The following IGF2BP2 variants were observed in gnomAD, a reference collection of about 807,000 sequenced individuals.
IGF2BP2 encodes the protein insulin-like growth factor 2 mRNA-binding protein 2.
A neutral mutation model predicts 75.8 loss-of-function variants in IGF2BP2; 17 were observed. The observed-to-expected ratio is 0.22, with a 90% confidence interval of 0.15 to 0.34. The LOEUF (loss-of-function observed/expected upper bound fraction) is 0.34, where lower values mean the gene tolerates loss of function less well. Ranked by LOEUF, IGF2BP2 falls within the 10% of genes least tolerant of loss-of-function variation. The probability of loss-of-function intolerance (pLI) is 1.00; values close to 1 mark genes in which losing one functional copy is unlikely to be tolerated. For missense variants in IGF2BP2, 516 were observed against 772.4 expected (o/e 0.67, Z 3.93); for synonymous variants, 288 against 295.6 (o/e 0.97, Z 0.26).
rs375333074 is a variant in IGF2BP2, at chr3:185,675,953, A to T, written c.813-40T>A. ...CAGCAAGTTAACACTTCAGATACGT[A>T]TAACGGTTGTCTCCCAAAAACCATT... On this transcript the variant is annotated intron_variant, in intron 7 of 15. Coordinates refer to ENST00000382199, the MANE Select transcript of IGF2BP2 (RefSeq NM_006548.6). 169 of 1,596,004 alleles carry T rather than the reference A, an allele frequency of 1.1e-4. No individual in the cohort carries two copies. In the African/African-American group the frequency reaches 2.0e-3, roughly 19 times the overall value.
intron 2 of IGF2BP2, among the ~76,000 whole-genome samples, chr3:185,755,907 G>A (rs1247727807): frequency 6.6e-6 from 1 of 152,204 alleles, no homozygotes; most frequent in African/African-American, 2.4e-5. Context: ...GTTGATGCTA[G>A]AACAAGCGTT....
intron 4 of IGF2BP2, among the ~76,000 whole-genome samples, chr3:185,695,442 G>C (rs1222194471): frequency 1.3e-5 from 2 of 152,146 alleles, no homozygotes; most frequent in Non-Finnish European, 2.9e-5. Context: ...CTCTCAATTT[G>C]ACACTTGTGC....
intron 2 of IGF2BP2, among the ~76,000 whole-genome samples, chr3:185,817,244 ATAT>A (rs1207511332): frequency 6.6e-6 from 1 of 152,218 alleles, no homozygotes; most frequent in East Asian, 1.9e-4. Context: ...AAAAATACAG[ATAT>A]TATTTAGTGA....
intron 2 of IGF2BP2, among the ~76,000 whole-genome samples, chr3:185,768,263 T>C (rs552436345): frequency 6.6e-6 from 1 of 152,332 alleles, no homozygotes; most frequent in South Asian, 2.1e-4. Context: ...AGTATCTCTA[T>C]TGTTAATTAA....
intron 7 of IGF2BP2, among the ~76,000 whole-genome samples, chr3:185,680,317 C>T (rs1720181634): frequency 6.6e-6 from 1 of 152,118 alleles, no homozygotes; most frequent in South Asian, 2.1e-4. Flanking sequence ...AATCAAAAAC[C>T]TCCCAACACA....
chr3:185,787,484 G>A (rs1389490580), intron 2 of IGF2BP2, among the ~76,000 whole-genome samples: 1 of 152,220 alleles, frequency 6.6e-6, no homozygotes, highest in African/African-American at 2.4e-5. Context: ...TGTAATCCCT[G>A]CACTTTGGGA....
At chr3:185,768,903 T>C (rs1733475793) in intron 2 of IGF2BP2, among the ~76,000 whole-genome samples, 1 of 152,322 alleles carries the variant, frequency 6.6e-6, no homozygotes, top group South Asian at 2.1e-4. Context: ...GGCATGCGCC[T>C]GTAGTCCCAG....
At chr3:185,732,036 C>T (rs1461769257) in intron 2 of IGF2BP2, among the ~76,000 whole-genome samples, 1 of 152,150 alleles carries the variant, frequency 6.6e-6, no homozygotes, top group Non-Finnish European at 1.5e-5. Flanking sequence ...ACGTTCAGCT[C>T]CTGCCTCTAG....
At chr3:185,708,333 A>G (rs1034346311) in intron 2 of IGF2BP2, among the ~76,000 whole-genome samples, 4 of 152,158 alleles carry the variant, frequency 2.6e-5, no homozygotes, top group Non-Finnish European at 4.4e-5. Flanking sequence ...CTCCACTGGC[A>G]AACCTTAAGA....
intron 2 of IGF2BP2, among the ~76,000 whole-genome samples, chr3:185,709,536 A>G (rs1343773169): frequency 6.6e-6 from 1 of 152,172 alleles, no homozygotes. Context: ...AAACAAGCCA[A>G]TTTCTTTCAT....
At chr3:185,646,068 A>T (rs980376097) in intron 15 of IGF2BP2, among the ~76,000 whole-genome samples, 2 of 152,290 alleles carry the variant, frequency 1.3e-5, no homozygotes, top group Non-Finnish European at 1.5e-5. Flanking sequence ...GAGCACACAC[A>T]TGAACCCCCA....
At chr3:185,728,439 T>C (rs1727667986) in intron 2 of IGF2BP2, 1 of 152,224 alleles carries the variant, frequency 6.6e-6, no homozygotes. Flanking sequence ...TCAGTTAACA[T>C]GTACTTTACC....
chr3:185,757,716 T>C (rs561588893), intron 2 of IGF2BP2, among the ~76,000 whole-genome samples: 110 of 152,266 alleles, frequency 7.2e-4, no homozygotes, highest in African/African-American at 2.6e-3. Flanking sequence ...CCACCCATGG[T>C]CTCTCGAAGT....
In IGF2BP2 at chr3:185,825,010, T is replaced by C; in HGVS notation, c.-50A>G. The C allele has an allele frequency of 7.9e-6, 11 of 1,384,602 alleles. No individual in the cohort carries two copies. The highest frequency in any genetic ancestry group is 9.6e-6 in the Non-Finnish European group (10 of 1,041,954). The allele number at this position is 1,384,602 out of a possible 1,614,324, so 85.8% of individuals were successfully genotyped here. A position where few individuals can be genotyped will look rare whatever the true frequency, so the allele number is the denominator to read the frequency against. ...GCTCCCCCGGCCCGGTACCCGGCGC[T>C]CCTCGCCTCCTCCGCTGCCCTCGTC... On this transcript the variant is annotated 5_prime_UTR_variant, in exon 1 of 16. Transcript: ENST00000382199.
At chr3:185,769,269 T>C (rs577454192) in intron 2 of IGF2BP2, among the ~76,000 whole-genome samples, 1 of 151,964 alleles carries the variant, frequency 6.6e-6, no homozygotes, top group South Asian at 2.1e-4. Flanking sequence ...AAGGAGGACT[T>C]GGCCCCTCGA....
intron 2 of IGF2BP2, among the ~76,000 whole-genome samples, chr3:185,804,692 T>A (rs945612962): frequency 1.7e-4 from 26 of 151,954 alleles, no homozygotes; most frequent in African/African-American, 6.0e-4. Flanking sequence ...CCTCAATGTA[T>A]TTAATTACAA....
chr3:185,755,863 G>T (rs181447637), intron 2 of IGF2BP2, among the ~76,000 whole-genome samples: 1 of 152,170 alleles, frequency 6.6e-6, no homozygotes, highest in South Asian at 2.1e-4. Context: ...GAAGGAAATC[G>T]GCTGTGAGTC....
At chr3:185,729,550 T>A (rs1023153234) in intron 2 of IGF2BP2, 1 of 152,198 alleles carries the variant, frequency 6.6e-6, no homozygotes, top group Non-Finnish European at 1.5e-5. Flanking sequence ...AACATCAACA[T>A]CCGGAAGATC....
intron 2 of IGF2BP2, among the ~76,000 whole-genome samples, chr3:185,709,167 TGTGTGGCACATG>T (rs1410146539): frequency 6.6e-6 from 1 of 152,222 alleles, no homozygotes; most frequent in African/African-American, 2.4e-5. Flanking sequence ...ATGTTTGCTT[TGTGTGGCACATG>T]GTAAATACAA....
Sources: gnomAD v4.1 joint callset for allele counts (sites outside exome capture counted in the v4.1 genomes callset) on GRCh38, gnomAD v4.1.1 for gene constraint, MANE v1.5 for transcripts, NCBI Gene and HGNC (gene_info 2026-07-23, HGNC 2026-07-21) for gene names.